BRF1: variants seen among roughly 807,000 people sequenced by gnomAD.
BRF1 encodes the protein transcription factor IIIB 90 kDa subunit.
A neutral mutation model predicts 81.7 loss-of-function variants in BRF1; 59 were observed. The ratio of observed to expected loss-of-function variants is 0.72; its 90% CI spans 0.59 to 0.90. The LOEUF is 0.90. Among genes scored for constraint, BRF1 ranks in the 40% least tolerant of loss-of-function variants. BRF1 has a pLI of 0.00. For missense variants in BRF1, 1,050 were observed against 936.3 expected (o/e 1.12, Z -1.58); for synonymous variants, 491 against 395.6 (o/e 1.24, Z -2.86).
At chr14:105,244,868 G>C (rs1255579921) in intron 5 of BRF1, among the ~76,000 whole-genome samples, 1 of 151,644 alleles carries the variant, frequency 6.6e-6, no homozygotes, top group Non-Finnish European at 1.5e-5. Flanking sequence ...TTATGAAAAT[G>C]ACCAGGTATG....
intron 10 of BRF1, among the ~76,000 whole-genome samples, 172 bp downstream of exon 10, chr14:105,225,897 C>T (rs1194149293): frequency 2.0e-5 from 3 of 152,236 alleles, no homozygotes; most frequent in Admixed American, 6.5e-5. Flanking sequence ...CCGCCTGCCT[C>T]AGCCTCCTAA....
chr14:105,256,392 G>A, intron 4 of BRF1, 126 bp downstream of exon 4: 1 of 1,606,026 alleles, frequency 6.2e-7, no homozygotes. Context: ...TCCTGACTGG[G>A]CAGGCAGCAC....
At chr14:105,211,995 G>A (rs1221259550) in intron 16 of BRF1, 118 bp downstream of exon 16, 1 of 1,428,590 alleles carries the variant, frequency 7.0e-7, no homozygotes, top group East Asian at 2.5e-5. Context: ...TGGGGCAGCA[G>A]GGGCAGGCGC....
intron 1 of BRF1, among the ~76,000 whole-genome samples, chr14:105,313,923 G>C (rs2058429808): frequency 6.6e-6 from 1 of 152,242 alleles, no homozygotes; most frequent in African/African-American, 2.4e-5. Context: ...CTTTGCTTGG[G>C]TCCCCAAGTT....
intron 5 of BRF1, chr14:105,242,179 C>G (rs1056048346): frequency 6.6e-6 from 1 of 152,344 alleles, no homozygotes; most frequent in Non-Finnish European, 1.5e-5. Flanking sequence ...AGGATAAATG[C>G]TTGAGGTGAA....
chr14:105,301,745 G>T (rs2058037274), upstream of BRF1, among the ~76,000 whole-genome samples: 1 of 152,238 alleles, frequency 6.6e-6, no homozygotes, highest in African/African-American at 2.4e-5. Context: ...TGTGCCCCCT[G>T]CCCAGAGCGG....
chr14:105,225,005 G>C (rs1235765785), intron 10 of BRF1, among the ~76,000 whole-genome samples: 1 of 152,238 alleles, frequency 6.6e-6, no homozygotes, highest in African/African-American at 2.4e-5. Context: ...CCTCTGGACA[G>C]AGCAGCCTCT....
chr14:105,267,601 C>T lies in BRF1; in HGVS notation c.439+5120G>A, dbSNP rs114395224. Among the ~76,000 whole-genome samples the T allele has an allele frequency of 3.6e-3, 551 of 152,314 alleles. 1 individual carries two copies. Among genetic ancestry groups the T allele is most frequent in the African/African-American group, 0.013 (528 of 41,570 alleles). ...TGATGGGATTTACAGGCGTGAGCCA[C>T]TGTGCCTGACCTGAAATGCCAACGT... On this transcript the variant is annotated intron_variant, in intron 3 of 17. Transcript: ENST00000547530.
chr14:105,300,395 C>A (rs1191879176), intron 1 of BRF1, 51 bp downstream of exon 1: 1 of 1,459,670 alleles, frequency 6.9e-7, no homozygotes, highest in Admixed American at 2.5e-5. Context: ...CGCCTCCAGC[C>A]CGCCTAAGCC....
In BRF1 at chr14:105,214,489, C is replaced by T. The variant is rs189232751; in HGVS notation, c.1773-2325G>A. On this transcript the variant is annotated intron_variant, in intron 15 of 17. Coordinates refer to ENST00000547530, the MANE Select transcript of BRF1 (RefSeq NM_001519.4). ...CCACACCCCTGCGTGGCTCAGCTGC[C>T]CACACCCCTGCATGGCTCAGCTGCC... Among the ~76,000 whole-genome samples, 36 of 47,224 alleles carry T rather than the reference C, an allele frequency of 7.6e-4. No individual in the cohort carries two copies. In the East Asian group the frequency reaches 8.3e-3, roughly 11 times the overall value. The allele number at this position is 47,224 out of a possible 152,430, so 31.0% of individuals were successfully genotyped here. A position where few individuals can be genotyped will look rare whatever the true frequency, so the allele number is the denominator to read the frequency against.
At chr14:105,257,748 G>A (rs1276645989) in intron 3 of BRF1, among the ~76,000 whole-genome samples, 1 of 152,174 alleles carries the variant, frequency 6.6e-6, no homozygotes, top group Admixed American at 6.5e-5. Context: ...CTGGGGAAAC[G>A]CCCGTGACAG....
At position 105,247,217 on chromosome 14, in the gene BRF1, G is replaced by A. The variant is rs113597130; in HGVS notation, c.544+5290C>T. ...GGGTGCATCCACACACTTTCTCTCGGAACTTTCCGGACTCTCATGCATATG... is the reference window on the plus strand; with the variant it reads ...GGGTGCATCCACACACTTTCTCTCGAAACTTTCCGGACTCTCATGCATATG... On this transcript the variant is annotated intron_variant, in intron 5 of 17. Transcript: ENST00000547530. 79 of 985,466 alleles carry A rather than the reference G, an allele frequency of 8.0e-5. 3 individuals carry two copies. The African/African-American group carries it at 1.2e-3, about 15-fold the overall frequency. 61.0% of individuals were successfully genotyped at this position (985,466 alleles called of 1,614,324 possible).
Position 105,260,410 on chromosome 14 carries a change from C to T in BRF1, c.440-3861G>A, listed in dbSNP as rs144446059. 5.7e-3 allele frequency among the ~76,000 whole-genome samples: 864 copies of T among 151,864 alleles called. 12 individuals are homozygous for T. The highest frequency in any genetic ancestry group is 0.02 in the African/African-American group (822 of 41,374). ...TTCCCGAGATGAAGTCTTGCCCTGT[C>T]GCCCAGGCTGGAGTGCAATGGTACA... On this transcript the variant is annotated intron_variant, in intron 3 of 17. Coordinates refer to ENST00000547530, the MANE Select transcript of BRF1 (RefSeq NM_001519.4).
intron 5 of BRF1, chr14:105,248,592 G>T (rs2055321833): frequency 4.2e-6 from 4 of 958,244 alleles, no homozygotes; most frequent in Non-Finnish European, 4.9e-6. Context: ...CGGGCGGGAC[G>T]GCGCCCCCCG....
chr14:105,209,738 G>A lies in BRF1; in HGVS notation c.*813C>T, dbSNP rs983494987. The A allele has an allele frequency of 1.7e-6, 1 of 603,866 alleles. No homozygotes were observed. Among genetic ancestry groups the A allele is most frequent in the Non-Finnish European group, 3.0e-6 (1 of 336,848 alleles). The allele number at this position is 603,866 out of a possible 1,614,324, so 37.4% of individuals were successfully genotyped here. ...ACTCCCAGCGCCAGGACACTATGCA[G>A]GCTATGCCCGCACTGCCTACAGAGC... On this transcript the variant is annotated 3_prime_UTR_variant, in exon 18 of 18. Transcript: ENST00000547530.
chr14:105,214,794 C>T (rs1890805044), intron 15 of BRF1, among the ~76,000 whole-genome samples: 1 of 152,230 alleles, frequency 6.6e-6, no homozygotes, highest in African/African-American at 2.4e-5. Flanking sequence ...GCCTCCTCAG[C>T]TGAACCCCTC....
Position 105,209,686 on chromosome 14 carries a change from A to G in BRF1, c.*865T>C. On this transcript the variant is annotated 3_prime_UTR_variant, in exon 18 of 18. Transcript: ENST00000547530. ...TGATCCAGCTCTGACAGGGAGCGCC[A>G]CTGCCCTCTGGCTCTGTCCACGGGG... is the stretch of plus-strand genomic sequence containing the variant. 1.5e-6 allele frequency: 1 copy of G among 653,318 alleles called. No homozygotes were observed. The highest frequency in any genetic ancestry group is 2.7e-5 in the East Asian group (1 of 36,684). 40.5% of individuals were successfully genotyped at this position (653,318 alleles called of 1,614,324 possible).
chr14:105,228,411 G>A (rs935510010), intron 7 of BRF1: 28 of 161,924 alleles, frequency 1.7e-4, no homozygotes, highest in African/African-American at 6.5e-4. Context: ...AGGCGTGGTG[G>A]CACACGCCTG....
At chr14:105,251,446 G>C (rs2055609268) in intron 5 of BRF1, among the ~76,000 whole-genome samples, 1 of 152,214 alleles carries the variant, frequency 6.6e-6, no homozygotes. Flanking sequence ...GCCTGTTGCA[G>C]GAGTGGACTA....
Sources: allele counts gnomAD v4.1 joint callset (sites outside exome capture counted in the v4.1 genomes callset), GRCh38; gene constraint gnomAD v4.1.1; transcripts MANE v1.5; gene names NCBI Gene and HGNC (gene_info 2026-07-23, HGNC 2026-07-21).